Variants in GALNT13 observed in about 807,000 individuals in gnomAD.
The protein encoded by GALNT13 is polypeptide N-acetylgalactosaminyltransferase 13.
GALNT13 carries 28 observed loss-of-function variants against 64.2 expected under a neutral mutation model. That is an observed-to-expected ratio of 0.44 (90% CI 0.32 to 0.60). The LOEUF (loss-of-function observed/expected upper bound fraction) is 0.60. Ranked by LOEUF, GALNT13 falls within the 20% of genes least tolerant of loss-of-function variation. GALNT13 has a pLI of 0.05. For synonymous variants in GALNT13, 214 were observed against 224.6 expected (o/e 0.95, Z 0.42); for missense variants, 577 against 669.8 (o/e 0.86, Z 1.53).
intron 3 of GALNT13, among the ~76,000 whole-genome samples, chr2:154,111,359 T>C (rs1488578575): frequency 6.6e-6 from 1 of 152,202 alleles, no homozygotes; most frequent in Non-Finnish European, 1.5e-5. Context: ...ATCTCCTATA[T>C]ATCATGCATA....
intron 7 of GALNT13, among the ~76,000 whole-genome samples, chr2:154,247,026 A>C (rs13419147): frequency 2.1e-3 from 313 of 152,212 alleles, no homozygotes; most frequent in Middle Eastern, 0.017. Flanking sequence ...TCACCTACTT[A>C]ATTATATAAA....
At chr2:154,095,294 A>G (rs1293658354) in intron 3 of GALNT13, among the ~76,000 whole-genome samples, 1 of 151,858 alleles carries the variant, frequency 6.6e-6, no homozygotes, top group Admixed American at 6.6e-5. Context: ...CTTTAAAATA[A>G]CTGGAATTAT....
At chr2:154,327,316 C>A (rs1694929978) in intron 9 of GALNT13, among the ~76,000 whole-genome samples, 1 of 152,040 alleles carries the variant, frequency 6.6e-6, no homozygotes, top group South Asian at 2.1e-4. Flanking sequence ...CCCTCCTTTG[C>A]AAATACCCAG....
the GALNT13 span, among the ~76,000 whole-genome samples, chr2:153,863,800 A>C: frequency 6.6e-6 from 1 of 152,192 alleles, no homozygotes; most frequent in East Asian, 1.9e-4. Context: ...CCCGTGAAGC[A>C]ATGATACAGT....
chr2:153,171,030 T>C, the GALNT13 span, among the ~76,000 whole-genome samples: 1 of 152,246 alleles, frequency 6.6e-6, no homozygotes, highest in Non-Finnish European at 1.5e-5. Context: ...TCAGTAACAG[T>C]AACTTTTCCT....
chr2:153,858,395 C>A, the GALNT13 span, among the ~76,000 whole-genome samples: 1 of 152,238 alleles, frequency 6.6e-6, no homozygotes, highest in South Asian at 2.1e-4. Flanking sequence ...GTAATAAGAT[C>A]TAACTTGGGT....
chr2:153,157,326 A>G, the GALNT13 span, among the ~76,000 whole-genome samples: 1 of 152,346 alleles, frequency 6.6e-6, no homozygotes, highest in Admixed American at 6.5e-5. Flanking sequence ...CATGTGGCTC[A>G]TAACATTTTT....
the GALNT13 span, among the ~76,000 whole-genome samples, chr2:153,803,401 A>G: frequency 6.6e-6 from 1 of 152,128 alleles, no homozygotes; most frequent in Non-Finnish European, 1.5e-5. Context: ...GCCTCATAAG[A>G]AAAGGAACAG....
chr2:154,169,245 A>T (rs1286896392), intron 4 of GALNT13, among the ~76,000 whole-genome samples: 1 of 152,004 alleles, frequency 6.6e-6, no homozygotes, highest in Admixed American at 6.6e-5. Flanking sequence ...GGTCAAACAA[A>T]CCATATCCAC....
chr2:153,700,792 G>A, the GALNT13 span, among the ~76,000 whole-genome samples: 3 of 152,052 alleles, frequency 2.0e-5, no homozygotes, highest in African/African-American at 4.8e-5. Flanking sequence ...CAAGGGACAC[G>A]AAGGACCTCT....
chr2:154,013,399 C>T (rs1358264484), intron 3 of GALNT13, among the ~76,000 whole-genome samples: 1 of 151,888 alleles, frequency 6.6e-6, no homozygotes, highest in Non-Finnish European at 1.5e-5. Context: ...ATAAGCTGGC[C>T]CCAAAACTTT....
intron 4 of GALNT13, among the ~76,000 whole-genome samples, chr2:154,163,048 C>T (rs187856587): frequency 2.0e-3 from 303 of 150,618 alleles, no homozygotes; most frequent in Admixed American, 3.7e-3. Context: ...TAGTTACATA[C>T]GTATACATGT....
intron 3 of GALNT13, among the ~76,000 whole-genome samples, chr2:154,045,115 A>T (rs939964891): frequency 2.0e-5 from 3 of 152,234 alleles, no homozygotes; most frequent in African/African-American, 7.2e-5. Context: ...TGAATCATGG[A>T]TCAGTAAGGT....
the GALNT13 span, among the ~76,000 whole-genome samples, chr2:153,179,237 A>G: frequency 2.0e-5 from 3 of 152,178 alleles, 1 homozygote; most frequent in Non-Finnish European, 4.4e-5. Flanking sequence ...TAAAGGTCCA[A>G]TTTCATTCTT....
chr2:154,322,276 T>G lies in GALNT13; in HGVS notation c.1156+20687T>G, dbSNP rs149163165. 2.0e-3 allele frequency among the ~76,000 whole-genome samples: 305 copies of G among 151,560 alleles called. 1 individual carries two copies. The highest frequency in any genetic ancestry group is 6.8e-3 in the African/African-American group (280 of 41,348). ...CTAATTCCAACTTCACCTTCTATAT[T>G]CTTATGAAATAACTAGCTTCTCCAA... On this transcript the variant is annotated intron_variant, in intron 9 of 12. Coordinates refer to ENST00000392825, the MANE Select transcript of GALNT13 (RefSeq NM_052917.4).
chr2:154,282,659 A>G (rs1692025613), intron 8 of GALNT13, among the ~76,000 whole-genome samples: 1 of 152,114 alleles, frequency 6.6e-6, no homozygotes, highest in Non-Finnish European at 1.5e-5. Context: ...CAGCTTTCCA[A>G]TTTTAAATGT....
intron 11 of GALNT13, among the ~76,000 whole-genome samples, chr2:154,417,821 A>G (rs1700087967): frequency 6.6e-6 from 1 of 151,934 alleles, no homozygotes; most frequent in South Asian, 2.1e-4. Flanking sequence ...CACTTTTAGA[A>G]CTATGTAAAT....
the GALNT13 span, among the ~76,000 whole-genome samples, chr2:153,652,425 C>T: frequency 6.6e-6 from 1 of 151,938 alleles, no homozygotes; most frequent in African/African-American, 2.4e-5. Context: ...GATCAGCTTG[C>T]CCAACATGGC....
At chr2:153,458,090 T>C in the GALNT13 span, among the ~76,000 whole-genome samples, 1 of 152,228 alleles carries the variant, frequency 6.6e-6, no homozygotes, top group Non-Finnish European at 1.5e-5. Context: ...TCTGCTGTAG[T>C]TCTTATCCTC....
Sources: gnomAD v4.1 joint callset for allele counts (sites outside exome capture counted in the v4.1 genomes callset) on GRCh38, gnomAD v4.1.1 for gene constraint, MANE v1.5 for transcripts, NCBI Gene and HGNC (gene_info 2026-07-23, HGNC 2026-07-21) for gene names.